Variants in LRRC24 observed in about 807,000 individuals in gnomAD.
LRRC24 encodes the protein leucine-rich repeat-containing protein 24.
LRRC24 carries 19 observed loss-of-function variants against 15.3 expected under a neutral mutation model. That is an observed-to-expected ratio of 1.25 (90% confidence interval 0.87 to 1.83). The LOEUF (loss-of-function observed/expected upper bound fraction) is 1.83. Ranked by LOEUF, LRRC24 falls within the 40% of genes most tolerant of loss-of-function variation. The pLI is 0.00. For synonymous variants in LRRC24, 469 were observed against 359.6 expected, an observed-to-expected ratio of 1.30 and a Z score of -3.44; for missense variants, 914 against 723.9, an observed-to-expected ratio of 1.26 and a Z score of -3.01.
rs1282898966 is a variant in LRRC24 at position 144,524,857 on chromosome 8, G to A, written c.118C>T (p.Arg40Trp). ...YSATVECGAL[R>W]LRVVPLGIPP... ...ATTCCCAGCGGGACGACGCGCAACC[G>A]CAGGGCGCCACACTCCACCGTGGCG... is the stretch of plus-strand genomic sequence containing the variant. The change falls in exon 2 of 5, where the codon CGG (arginine) becomes TGG (tryptophan). Residue 40 changes from arginine (R) to tryptophan (W), a missense_variant. By Grantham distance (101) the Arg-to-Trp change is moderately radical (BLOSUM62 -3). Transcript: ENST00000529415. 1.3e-6 allele frequency: 2 copies of A among 1,493,772 alleles called. No individual in the cohort carries two copies. The highest frequency in any genetic ancestry group is 2.2e-5 in the Admixed American group (1 of 45,910). 92.5% of individuals were successfully genotyped at this position (1,493,772 alleles called of 1,614,324 possible).
rs1382966068 is a variant in LRRC24, at chr8:144,522,410, A to G, written c.*65T>C. ...CACTGCGCGGCTTCCACCTTTACTG[A>G]CGGAGCATGCGCGAGGCCGCACCGG... On this transcript the variant is annotated 3_prime_UTR_variant, in exon 5 of 5. Transcript: ENST00000529415. 13 of 1,368,316 alleles carry G rather than the reference A, an allele frequency of 9.5e-6. No individual in the cohort carries two copies. The highest frequency in any genetic ancestry group is 1.2e-5 in the Non-Finnish European group (13 of 1,068,300). The allele number at this position is 1,368,316 out of a possible 1,614,324, so 84.8% of individuals were successfully genotyped here.
In LRRC24 at chr8:144,522,881, G is replaced by T; in HGVS notation, c.1136C>A (p.Ala379Asp). ...PQQPAQPPPP[A>D]ARPAGSEPRP... ...GGGCTCGCTGCCGGCGGGGCGGGCGGCCGGAGGCGGCGGTTGCGCGGGCTG... is the reference window on the plus strand; with the variant it reads ...GGGCTCGCTGCCGGCGGGGCGGGCGTCCGGAGGCGGCGGTTGCGCGGGCTG... Residue 379 changes from alanine (A) to aspartate (D), a missense_variant, in exon 5 of 5, where the codon GCC becomes GAC. Transcript: ENST00000529415. 7 of 1,269,176 alleles carry T rather than the reference G, an allele frequency of 5.5e-6. No individual in the cohort carries two copies. Among genetic ancestry groups the T allele is most frequent in the Non-Finnish European group, 6.9e-6 (7 of 1,014,450 alleles). 78.6% of individuals were successfully genotyped at this position (1,269,176 alleles called of 1,614,324 possible).
Position 144,522,472 on chromosome 8 carries a change from G to A in LRRC24, c.*3C>T. The A allele has an allele frequency of 2.0e-6, 3 of 1,465,146 alleles. No homozygotes were observed. The highest frequency in any genetic ancestry group is 2.7e-6 in the Non-Finnish European group (3 of 1,117,430). 90.8% of individuals were successfully genotyped at this position (1,465,146 alleles called of 1,614,324 possible). ...CGCCCACGTCATCCGCGCGCCCGCG[G>A]CCCTAGCAGTGGATCTCGTAGGCGA... On this transcript the variant is annotated 3_prime_UTR_variant, in exon 5 of 5. Transcript: ENST00000529415.
intron 1 of LRRC24, 66 bp from the exon 2 acceptor site, chr8:144,525,099 T>C (rs1437418475): frequency 1.1e-5 from 12 of 1,070,956 alleles, no homozygotes; most frequent in Non-Finnish European, 1.2e-5. Flanking sequence ...AATGGAGGCC[T>C]GCACCTGCGT....
Position 144,523,139 on chromosome 8 carries a change from C to T in LRRC24, c.878G>A (p.Trp293Ter). The change falls in exon 5 of 5, where the codon TGG becomes TAG. Residue 293 changes from tryptophan to a stop codon, truncating the protein, a stop_gained. Coordinates refer to ENST00000529415, the MANE Select transcript of LRRC24 (RefSeq NM_001024678.4). LOFTEE classifies it low-confidence loss of function (END_TRUNC). ...ASGYPQPLVT[W>*]RKVPQPREGR... is the part of the protein sequence containing the mutation. ...CTCGCGAGGCTGGGGCACCTTTCTC[C>T]AGGTCACCAATGGCTGCGGGTAGCC... is the stretch of plus-strand genomic sequence containing the variant. 1 of 1,610,842 alleles carries T rather than the reference C, an allele frequency of 6.2e-7. No homozygotes were observed. The highest frequency in any genetic ancestry group is 8.5e-7 in the Non-Finnish European group (1 of 1,179,506).
rs377210545 is a variant in LRRC24 at position 144,523,095 on chromosome 8, C to T, written c.922G>A (p.Ala308Thr). The T allele has an allele frequency of 1.5e-5, 24 of 1,608,796 alleles. No individual in the cohort carries two copies. The highest frequency in any genetic ancestry group is 2.0e-5 in the Non-Finnish European group (23 of 1,179,466). Reference sequence around the variant, plus strand: ...CCCAGCAACCCGCCTTCTAGCTGGGCCTGGGCTCGCGGCCGGCCCTCGCGA... The same window carrying T: ...CCCAGCAACCCGCCTTCTAGCTGGGTCTGGGCTCGCGGCCGGCCCTCGCGA... ...QPREGRPRAQ[A>T]QLEGGLLGLG... Residue 308 changes from alanine (A) to threonine (T), a missense_variant, in exon 5 of 5, where the codon GCC becomes ACC. Coordinates refer to ENST00000529415, the MANE Select transcript of LRRC24 (RefSeq NM_001024678.4).
Position 144,522,904 on chromosome 8 carries a change from C to A in LRRC24, c.1113G>T (p.Gln371His). ...LVNASRQQPQ[Q>H]PAQPPPPAAR... ...CGGCCGGAGGCGGCGGTTGCGCGGG[C>A]TGCTGCGGCTGCTGCCGGGACGCGT... is the stretch of plus-strand genomic sequence containing the variant. The change falls in exon 5 of 5, where the codon CAG becomes CAT. Residue 371 changes from glutamine (Q) to histidine (H), a missense_variant. Coordinates refer to ENST00000529415, the MANE Select transcript of LRRC24 (RefSeq NM_001024678.4). The A allele has an allele frequency of 3.7e-6, 5 of 1,344,368 alleles. No homozygotes were observed. The highest frequency in any genetic ancestry group is 4.7e-6 in the Non-Finnish European group (5 of 1,053,748). The allele number at this position is 1,344,368 out of a possible 1,614,324, so 83.3% of individuals were successfully genotyped here.
intron 4 of LRRC24, 85 bp downstream of exon 4, chr8:144,524,025 G>A: frequency 6.8e-7 from 1 of 1,474,274 alleles, no homozygotes; most frequent in Non-Finnish European, 9.2e-7. Flanking sequence ...CCAGTTGCCT[G>A]ATGTCAGAGC....
Position 144,524,246 on chromosome 8 carries a change from G to A in LRRC24, c.471C>T (p.Ser157=). The change falls in exon 4 of 5, where the codon AGC becomes AGT. Residue 157 remains serine, a synonymous_variant. Coordinates refer to ENST00000529415, the MANE Select transcript of LRRC24 (RefSeq NM_001024678.4). ...RLQELHLQEN[S]IELLEDQALA... ...GAGCCTGGTCCTCCAGCAGCTCAATGCTGTTTTCTTGCAGGTGAAGCTCCT... is the reference window on the plus strand; with the variant it reads ...GAGCCTGGTCCTCCAGCAGCTCAATACTGTTTTCTTGCAGGTGAAGCTCCT... The A allele has an allele frequency of 1.2e-6, 2 of 1,612,554 alleles. No individual in the cohort carries two copies. The highest frequency in any genetic ancestry group is 1.7e-6 in the Non-Finnish European group (2 of 1,179,972).
chr8:144,523,474 G>C, intron 4 of LRRC24, 65 bp from the exon 5 acceptor site: 1 of 1,487,818 alleles, frequency 6.7e-7, no homozygotes, highest in Non-Finnish European at 8.9e-7. Context: ...TGCAGTTGGG[G>C]TTTTGCAGGC....
chr8:144,524,782 A>G (rs1357752545), intron 2 of LRRC24, 34 bp downstream of exon 2: 1 of 1,435,400 alleles, frequency 7.0e-7, no homozygotes, highest in South Asian at 1.4e-5. Flanking sequence ...CCCTGGGGGC[A>G]CCCCGTCCTC....
Position 144,524,105 on chromosome 8 carries a change from G to A in LRRC24, c.607+5C>T, listed in dbSNP as rs1215978434. ...AGACAGAGACGCTTTCCGAGGAAGA[G>A]GTACCTGTGAGGCGCAGGACTTGCA... On this transcript the variant is annotated splice_donor_5th_base_variant and intron_variant, in intron 4 of 4. Coordinates refer to ENST00000529415, the MANE Select transcript of LRRC24 (RefSeq NM_001024678.4). 2 of 1,595,138 alleles carry A rather than the reference G, an allele frequency of 1.3e-6. No homozygotes were observed. The highest frequency in any genetic ancestry group is 1.7e-5 in the Admixed American group (1 of 59,262).
Position 144,522,790 on chromosome 8 carries a change from C to T in LRRC24, c.1227G>A (p.Ala409=), listed in dbSNP as rs1265027847. The stretch of plus-strand genomic sequence containing the variant: ...CCGTGAGCGCCAGCAGCGCGATGGC[C>T]GCCGCAATGGCCGTCTGTGTGGCCA... The part of the protein sequence containing the change: ...LGVATQTAIA[A]AIALLALTAL... Residue 409 remains alanine, a synonymous_variant, in exon 5 of 5, where the codon GCG becomes GCA. Transcript: ENST00000529415. 1 of 1,550,230 alleles carries T rather than the reference C, an allele frequency of 6.5e-7. No individual in the cohort carries two copies. Among genetic ancestry groups the T allele is most frequent in the African/African-American group, 1.4e-5 (1 of 71,704 alleles).
intron 4 of LRRC24, chr8:144,523,861 G>A (rs1436743537): frequency 7.5e-6 from 4 of 533,956 alleles, no homozygotes; most frequent in Non-Finnish European, 1.3e-5. Flanking sequence ...CAGCCTAAAA[G>A]TGTGCAGAAC....
chr8:144,524,857 G>T lies in LRRC24; in HGVS notation c.118C>A (p.Arg40=), dbSNP rs1282898966. ...ATTCCCAGCGGGACGACGCGCAACC[G>T]CAGGGCGCCACACTCCACCGTGGCG... is the stretch of plus-strand genomic sequence containing the variant. ...YSATVECGAL[R]LRVVPLGIPP... is the part of the protein sequence containing the mutation. The change falls in exon 2 of 5, where the codon CGG becomes AGG. Residue 40 remains arginine, a synonymous_variant. Transcript: ENST00000529415. 2 of 1,493,890 alleles carry T rather than the reference G, an allele frequency of 1.3e-6. No homozygotes were observed. The highest frequency in any genetic ancestry group is 4.4e-5 in the Admixed American group (2 of 45,930). The allele number at this position is 1,493,890 out of a possible 1,614,324, so 92.5% of individuals were successfully genotyped here. A position where few individuals can be genotyped will look rare whatever the true frequency, so the allele number is the denominator to read the frequency against.
Position 144,524,491 on chromosome 8 carries a change from CCAG to C in LRRC24, c.385_387del (p.Leu129del). The C allele has an allele frequency of 6.3e-7, 1 of 1,597,550 alleles. No homozygotes were observed. Among genetic ancestry groups the C allele is most frequent in the Non-Finnish European group, 8.5e-7 (1 of 1,179,740 alleles). On this transcript the variant is annotated inframe_deletion, in exon 3 of 5. Coordinates refer to ENST00000529415, the MANE Select transcript of LRRC24 (RefSeq NM_001024678.4). ...AGCAGCCGCGCCAGCTGGTTGCCCG[CCAG>C]GTAGAGCACGCGCAGCTGGGCCAGG...
chr8:144,523,788 CTT>C (rs1816231528), intron 4 of LRRC24: 1 of 422,766 alleles, frequency 2.4e-6, no homozygotes. Context: ...GATGCCCTCT[CTT>C]GGGAATGTCC....
rs994327204 is a variant in LRRC24 at position 144,524,174 on chromosome 8, C to G, written c.543G>C (p.Gln181His). 6.2e-7 allele frequency: 1 copy of G among 1,611,294 alleles called. No homozygotes were observed. Among genetic ancestry groups the G allele is most frequent in the Non-Finnish European group, 8.5e-7 (1 of 1,178,822 alleles). Residue 181 changes from glutamine to histidine, a missense_variant, in exon 4 of 5, where the codon CAG becomes CAC. Coordinates refer to ENST00000529415, the MANE Select transcript of LRRC24 (RefSeq NM_001024678.4). ...SLALLDLSRN[Q>H]LGTISREALQ... ...GGGCCTCTCGGCTGATGGTGCCCAG[C>G]TGGTTCCTGCTGAGGTCCAGCAGTG...
chr8:144,523,678 G>C, intron 4 of LRRC24: 1 of 450,078 alleles, frequency 2.2e-6, no homozygotes, highest in Non-Finnish European at 3.8e-6. Context: ...TGCTCCTTAA[G>C]TCTTCCTGCA....
Sources: allele counts gnomAD v4.1 joint callset, GRCh38; gene constraint gnomAD v4.1.1; transcripts MANE v1.5; gene names NCBI Gene and HGNC (gene_info 2026-07-23, HGNC 2026-07-21).